The following GAS2L3 variants were observed in gnomAD, a reference collection of about 807,000 sequenced individuals.
GAS2L3 encodes the protein growth arrest specific 2 like 3.
GAS2L3 carries 28 observed loss-of-function variants against 37.0 expected under a neutral mutation model. The observed-to-expected ratio is 0.76, with a 90% CI of 0.56 to 1.04. GAS2L3 has a LOEUF of 1.04. Among genes scored for constraint, GAS2L3 ranks in the 50% least tolerant of loss-of-function variants. The pLI is 0.00. For missense variants in GAS2L3, 793 were observed against 817.6 expected (o/e 0.97, Z 0.37); for synonymous variants, 290 against 296.6 (o/e 0.98, Z 0.23).
At chr12:100,580,163 G>T in intron 1 of GAS2L3, 1 of 762,888 alleles carries the variant, frequency 1.3e-6, no homozygotes. Flanking sequence ...AGTAAAAGAG[G>T]GGGTGAGAAT....
In GAS2L3 at chr12:100,623,990, G is replaced by T. The variant is rs61748062; in HGVS notation, c.1185G>T (p.Pro395=). Residue 395 remains proline, a synonymous_variant, in exon 10 of 10, where the codon CCG becomes CCT. Coordinates refer to ENST00000547754, the MANE Select transcript of GAS2L3 (RefSeq NM_174942.3). ...CTTCAAAAGGCATAACGAAGAAACC[G>T]CAGGCTCCTTCAAACAATGCATCAT... ...LKSSKGITKK[P]QAPSNNASSS... is the part of the protein sequence containing the mutation. 2 of 1,613,698 alleles carry T rather than the reference G, an allele frequency of 1.2e-6. No homozygotes were observed. Among genetic ancestry groups the T allele is most frequent in the East Asian group, 2.2e-5 (1 of 44,884 alleles).
intron 1 of GAS2L3, among the ~76,000 whole-genome samples, chr12:100,575,474 C>CTCTT (rs1377658474): frequency 1.0e-5 from 1 of 98,648 alleles, no homozygotes; most frequent in Non-Finnish European, 1.9e-5. Context: ...CATGTTATCT[C>CTCTT]TATTTTTTTT....
chr12:100,585,767 A>G (rs1003825936), intron 1 of GAS2L3, among the ~76,000 whole-genome samples: 1 of 152,098 alleles, frequency 6.6e-6, no homozygotes, highest in African/African-American at 2.4e-5. Context: ...TGTCAGATCC[A>G]TCTCCTTTCC....
chr12:100,597,968 T>TA (rs1955935898), intron 3 of GAS2L3, among the ~76,000 whole-genome samples: 1 of 152,098 alleles, frequency 6.6e-6, no homozygotes, highest in African/African-American at 2.4e-5. Context: ...TTTGGTTTTT[T>TA]TAAAAAAAAA....
Position 100,578,670 on chromosome 12 carries a change from T to C in GAS2L3, c.-152+4885T>C, listed in dbSNP as rs949287351. The C allele has an allele frequency of 1.3e-5, 4 of 310,612 alleles. No homozygotes were observed. The South Asian group carries it at 2.2e-4, about 17-fold the overall frequency. 19.2% of individuals were successfully genotyped at this position (310,612 alleles called of 1,614,324 possible). A position where few individuals can be genotyped will look rare whatever the true frequency, so the allele number is the denominator to read the frequency against. ...TGGGAGGTCCAGACACAGGTGGCCA[T>C]GGAACTCGCTGGTAATAGAGGACAC... On this transcript the variant is annotated intron_variant, in intron 1 of 9. Transcript: ENST00000547754.
intron 1 of GAS2L3, among the ~76,000 whole-genome samples, chr12:100,585,935 G>T (rs1955776050): frequency 6.6e-6 from 1 of 151,992 alleles, no homozygotes; most frequent in Non-Finnish European, 1.5e-5. Flanking sequence ...CCTTCTCTCA[G>T]TGTTTCCCTA....
In GAS2L3 at chr12:100,622,374, T is replaced by C. The variant is rs751335743; in HGVS notation, c.748T>C (p.Phe250Leu). The C allele has an allele frequency of 1.4e-6, 2 of 1,463,490 alleles. No individual in the cohort carries two copies. Among genetic ancestry groups the C allele is most frequent in the East Asian group, 2.3e-5 (1 of 43,912 alleles). 90.7% of individuals were successfully genotyped at this position (1,463,490 alleles called of 1,614,324 possible). The change falls in exon 9 of 10, where the codon TTT (phenylalanine) becomes CTT (leucine). Residue 250 changes from phenylalanine to leucine, a missense_variant. Physicochemically the swap from Phe to Leu is conservative, Grantham distance 22. Coordinates refer to ENST00000547754, the MANE Select transcript of GAS2L3 (RefSeq NM_174942.3). ...GRYRLGDKIL[F>L]IRMLHGKHVM... The stretch of plus-strand genomic sequence containing the variant: ...GTACCGACTAGGGGATAAAATACTC[T>C]TTATAAGAGTAAGTCCATTATTTAC...
rs1956320440 is a variant in GAS2L3, at chr12:100,625,217, A to G, written c.*327A>G. On this transcript the variant is annotated 3_prime_UTR_variant, in exon 10 of 10. Coordinates refer to ENST00000547754, the MANE Select transcript of GAS2L3 (RefSeq NM_174942.3). ...TTAACACTACAAGAATTTTAACAAT[A>G]GTTGCTCTATTTTTGAATATGTATT... The G allele has an allele frequency of 5.4e-6, 1 of 184,908 alleles. No homozygotes were observed. The highest frequency in any genetic ancestry group is 2.4e-5 in the African/African-American group (1 of 42,476). The allele number at this position is 184,908 out of a possible 1,614,324, so 11.5% of individuals were successfully genotyped here. A position where few individuals can be genotyped will look rare whatever the true frequency, so the allele number is the denominator to read the frequency against.
chr12:100,606,200 T>G (rs946066100), intron 5 of GAS2L3, among the ~76,000 whole-genome samples: 1 of 152,084 alleles, frequency 6.6e-6, no homozygotes. Context: ...TTTACAATTT[T>G]TATATCCTTT....
At chr12:100,608,735 T>A (rs1362497020) in intron 5 of GAS2L3, among the ~76,000 whole-genome samples, 1 of 151,916 alleles carries the variant, frequency 6.6e-6, no homozygotes, top group African/African-American at 2.4e-5. Context: ...ATGGTCTTGA[T>A]CTCCTGACCT....
intron 1 of GAS2L3, chr12:100,580,183 T>C (rs1424928418): frequency 5.5e-6 from 4 of 725,436 alleles, no homozygotes; most frequent in East Asian, 2.5e-5. Flanking sequence ...TATTAAGATA[T>C]CTAAAACCAG....
chr12:100,589,563 G>GA (rs1213548733), intron 1 of GAS2L3, among the ~76,000 whole-genome samples: 3 of 151,982 alleles, frequency 2.0e-5, no homozygotes, highest in Non-Finnish European at 2.9e-5. Flanking sequence ...CACAGAATTA[G>GA]AAAAAACAAT....
intron 3 of GAS2L3, 24 bp from the exon 4 acceptor site, chr12:100,600,358 T>C (rs369667177): frequency 6.0e-6 from 9 of 1,497,172 alleles, no homozygotes; most frequent in Non-Finnish European, 8.2e-6. Flanking sequence ...ATTCATTCAG[T>C]TGATTGATTT....
intron 5 of GAS2L3, among the ~76,000 whole-genome samples, chr12:100,606,513 G>C (rs1468942222): frequency 6.6e-6 from 1 of 151,886 alleles, no homozygotes; most frequent in Admixed American, 6.6e-5. Context: ...GATAAATAAG[G>C]ACTTATTCCT....
chr12:100,585,597 G>C (rs916186221), intron 1 of GAS2L3, among the ~76,000 whole-genome samples: 3 of 152,152 alleles, frequency 2.0e-5, no homozygotes, highest in Non-Finnish European at 4.4e-5. Flanking sequence ...TCCAGCTTCA[G>C]GTTGTTCATC....
chr12:100,609,351 C>T (rs538577022), intron 5 of GAS2L3, among the ~76,000 whole-genome samples: 1 of 152,268 alleles, frequency 6.6e-6, no homozygotes, highest in South Asian at 2.1e-4. Flanking sequence ...TATTCGGGGC[C>T]CAGGGGTTCT....
At chr12:100,604,437 C>T (rs1431574123) in intron 5 of GAS2L3, among the ~76,000 whole-genome samples, 1 of 147,292 alleles carries the variant, frequency 6.8e-6, no homozygotes, top group Non-Finnish European at 1.5e-5. Flanking sequence ...GATTTTGTGT[C>T]CTGAAACTTT....
In GAS2L3 at chr12:100,598,757, TTA is replaced by T. The variant is rs536952719; in HGVS notation, c.19-1623_19-1622del. 5.8e-4 allele frequency among the ~76,000 whole-genome samples: 88 copies of T among 152,326 alleles called. 1 individual carries two copies. The highest frequency in any genetic ancestry group is 1.0e-3 in the Non-Finnish European group (69 of 68,024). ...CCAGTAGAAGTCCCTTCATGCTGGC[TTA>T]TGTGTCCTTTTGGCATTCTTTGAGA... On this transcript the variant is annotated intron_variant, in intron 3 of 9. Coordinates refer to ENST00000547754, the MANE Select transcript of GAS2L3 (RefSeq NM_174942.3).
At chr12:100,576,484 G>A (rs1593154356) in intron 1 of GAS2L3, among the ~76,000 whole-genome samples, 1 of 152,122 alleles carries the variant, frequency 6.6e-6, no homozygotes, top group East Asian at 1.9e-4. Context: ...GTCATGCAAT[G>A]GACATAGAAT....
Sources: gnomAD v4.1 joint callset for allele counts (sites outside exome capture counted in the v4.1 genomes callset) on GRCh38, gnomAD v4.1.1 for gene constraint, MANE v1.5 for transcripts, NCBI Gene and HGNC (gene_info 2026-07-23, HGNC 2026-07-21) for gene names.